Variants in DUSP8 observed in about 807,000 individuals in gnomAD.
DUSP8 encodes dual specificity phosphatase 8.
A neutral mutation model predicts 38.7 loss-of-function variants in DUSP8; 15 were observed. The ratio of observed to expected loss-of-function variants is 0.39; its 90% CI spans 0.26 to 0.60. DUSP8 has a LOEUF of 0.60. DUSP8 is among the 20% of genes least tolerant of loss of function. The probability of loss-of-function intolerance (pLI) is 0.56; values close to 1 mark genes in which losing one functional copy is unlikely to be tolerated. For missense variants in DUSP8, 768 were observed against 915.0 expected, an observed-to-expected ratio of 0.84 and a Z score of 2.07; for synonymous variants, 458 against 433.9, an observed-to-expected ratio of 1.06 and a Z score of -0.69.
upstream of DUSP8, chr11:1,572,691 C>CG (rs1848928103): frequency 2.6e-5 from 4 of 152,196 alleles, no homozygotes; most frequent in South Asian, 6.2e-4. The surrounding 1 kb of genome is among the most constrained non-coding windows in gnomAD (Gnocchi z 4.7). Context: ...GCCGCTCCCC[C>CG]CTTCTCCTGG....
Position 1,557,661 on chromosome 11 carries a change from G to A in DUSP8, c.822-87C>T. On this transcript the variant is annotated intron_variant, in intron 6 of 6. Transcript: ENST00000397374. This position sits in a 1 kb window ranked among gnomAD's most constrained non-coding sequence, Gnocchi z 9.9. ...CCGCTGGGCACCCACGAGCTCATGT[G>A]CGCCAGGCTGGTCTCAGGCCCTCCT... 1 of 1,545,148 alleles carries A rather than the reference G, an allele frequency of 6.5e-7. No individual in the cohort carries two copies. The highest frequency in any genetic ancestry group is 8.7e-7 in the Non-Finnish European group (1 of 1,145,882).
In DUSP8 at chr11:1,555,814, C is replaced by G. The variant is rs1330245030; in HGVS notation, c.*704G>C. 1 of 152,422 alleles carries G rather than the reference C, an allele frequency of 6.6e-6. No homozygotes were observed. Among genetic ancestry groups the G allele is most frequent in the Non-Finnish European group, 1.5e-5 (1 of 68,178 alleles). The allele number at this position is 152,422 out of a possible 1,614,324, so 9.4% of individuals were successfully genotyped here. On this transcript the variant is annotated 3_prime_UTR_variant, in exon 7 of 7. Transcript: ENST00000397374. Reference sequence around the variant, plus strand: ...TGCACCTCATCTGACGTTCCAGAACCCCCTGCCCGAAGCCCCTACACACAC... The same window carrying G: ...TGCACCTCATCTGACGTTCCAGAACGCCCTGCCCGAAGCCCCTACACACAC...
chr11:1,567,177 C>G (rs1848816956), intron 1 of DUSP8, among the ~76,000 whole-genome samples: 1 of 152,184 alleles, frequency 6.6e-6, no homozygotes, highest in African/African-American at 2.4e-5. Context: ...TTTACTCCAC[C>G]CAGCTCAGGA....
intron 1 of DUSP8, among the ~76,000 whole-genome samples, chr11:1,566,985 C>A (rs748197422): frequency 6.6e-6 from 1 of 152,180 alleles, no homozygotes. Context: ...GTCCACTTTA[C>A]ACTCACAGCC....
intron 3 of DUSP8, among the ~76,000 whole-genome samples, chr11:1,563,231 C>A (rs542985689): frequency 6.6e-6 from 1 of 152,152 alleles, no homozygotes; most frequent in Admixed American, 6.5e-5. Flanking sequence ...GGACCTGGGC[C>A]GACCCCAGGA....
chr11:1,563,110 TG>T (rs796112864), intron 3 of DUSP8, among the ~76,000 whole-genome samples: 1 of 152,044 alleles, frequency 6.6e-6, no homozygotes, highest in South Asian at 2.1e-4. Flanking sequence ...TCTGCTTGCC[TG>T]GAACAGCCCC....
In DUSP8 at chr11:1,557,583, G is replaced by A. The variant is rs779617998; in HGVS notation, c.822-9C>T. On this transcript the variant is annotated splice_polypyrimidine_tract_variant and intron_variant, in intron 6 of 6. Transcript: ENST00000397374. This position sits in a 1 kb window ranked among gnomAD's most constrained non-coding sequence, Gnocchi z 9.9. ...GCCTGTCCTTCACGAACCTGCGGGG[G>A]AGGAGGCTCAGTCCCAGGCGCCCGC... 6.4e-7 allele frequency: 1 copy of A among 1,561,762 alleles called. No homozygotes were observed. The highest frequency in any genetic ancestry group is 8.6e-7 in the Non-Finnish European group (1 of 1,162,284).
In DUSP8 at chr11:1,555,862, G is replaced by A. The variant is rs896880082; in HGVS notation, c.*656C>T. 3.9e-5 allele frequency: 6 copies of A among 152,340 alleles called. No individual in the cohort carries two copies. Among genetic ancestry groups the A allele is most frequent in the African/African-American group, 7.2e-5 (3 of 41,428 alleles). The allele number at this position is 152,340 out of a possible 1,614,324, so 9.4% of individuals were successfully genotyped here. A position where few individuals can be genotyped will look rare whatever the true frequency, so the allele number is the denominator to read the frequency against. On this transcript the variant is annotated 3_prime_UTR_variant, in exon 7 of 7. Coordinates refer to ENST00000397374, the MANE Select transcript of DUSP8 (RefSeq NM_004420.3). ...CACTGTTCTATTTCTCAGCCCCTCT[G>A]AACACCCTGGCACCATGAAGCCCAA...
At chr11:1,569,669 G>A (rs560378047) in intron 1 of DUSP8, among the ~76,000 whole-genome samples, 90 of 152,168 alleles carry the variant, frequency 5.9e-4, no homozygotes, top group African/African-American at 2.0e-3. Context: ...GGACCAGGGA[G>A]TCCCAGGCCA....
rs1447571667 is a variant in DUSP8 at position 1,556,829 on chromosome 11, G to A, written c.1567C>T (p.Pro523Ser). ...DSPGTPSPDGPWCFSPEGAQG... is the reference protein window; with the variant it reads ...DSPGTPSPDGSWCFSPEGAQG... The stretch of plus-strand genomic sequence containing the variant: ...GCGCCCTCGGGGCTGAAGCACCAGG[G>A]CCCGTCGGGCGACGGCGTGCCTGGG... The change falls in exon 7 of 7, where the codon CCC becomes TCC. Residue 523 changes from proline to serine, a missense_variant. By Grantham distance (74) the Pro-to-Ser change is moderately conservative. Around this residue, in one of 3 missense-constraint regions of DUSP8, gnomAD observed 474 missense variants for 430.8 expected, o/e 1.10. Coordinates refer to ENST00000397374, the MANE Select transcript of DUSP8 (RefSeq NM_004420.3). The surrounding 1 kb of genome is among the most constrained non-coding windows in gnomAD (Gnocchi z 5.2). The A allele has an allele frequency of 9.6e-5, 111 of 1,156,218 alleles. 1 individual carries two copies. The highest frequency in any genetic ancestry group is 3.6e-4 in the Middle Eastern group (1 of 2,816). 71.6% of individuals were successfully genotyped at this position (1,156,218 alleles called of 1,614,324 possible).
intron 3 of DUSP8, among the ~76,000 whole-genome samples, chr11:1,563,069 C>T (rs779016015): frequency 6.6e-6 from 1 of 152,148 alleles, no homozygotes; most frequent in African/African-American, 2.4e-5. Context: ...CCTCACCCCA[C>T]CGTGCCTGCA....
In DUSP8 at chr11:1,557,776, G is replaced by C; in HGVS notation, c.821+18C>G. On this transcript the variant is annotated intron_variant, in intron 6 of 6. Coordinates refer to ENST00000397374, the MANE Select transcript of DUSP8 (RefSeq NM_004420.3). This position sits in a 1 kb window ranked among gnomAD's most constrained non-coding sequence, Gnocchi z 9.9. ...GCGACGCTGTGAGCCACAAGTGCGC[G>C]ACTGGGGAAGGTGGTACCTGTAGGC... The C allele has an allele frequency of 6.2e-7, 1 of 1,612,276 alleles. No individual in the cohort carries two copies. Among genetic ancestry groups the C allele is most frequent in the Non-Finnish European group, 8.5e-7 (1 of 1,179,888 alleles).
At position 1,555,342 on chromosome 11, in the gene DUSP8, T is replaced by G; in HGVS notation, c.*1176A>C. The G allele has an allele frequency of 1.0e-6, 1 of 987,790 alleles. No homozygotes were observed. The highest frequency in any genetic ancestry group is 1.7e-5 in the African/African-American group (1 of 57,418). 61.2% of individuals were successfully genotyped at this position (987,790 alleles called of 1,614,324 possible). On this transcript the variant is annotated 3_prime_UTR_variant, in exon 7 of 7. Coordinates refer to ENST00000397374, the MANE Select transcript of DUSP8 (RefSeq NM_004420.3). ...GGGGGCTTTACCTGTCTTGAGGCAG[T>G]GCTCCCTAAGTGAAGCAGGCCTATC...
At position 1,556,742 on chromosome 11, in the gene DUSP8, C is replaced by T; in HGVS notation, c.1654G>A (p.Gly552Ser). ...FGRAGAPGPG[G>S]GSDLRRREAA... is the part of the protein sequence containing the mutation. ...TCCCGCCGCCGCAGGTCGCTGCCGC[C>T]GCCTGGTCCCGGGGCGCCCGCCCGG... Residue 552 changes from glycine to serine, a missense_variant, in exon 7 of 7, where the codon GGC becomes AGC. Around this residue, in one of 3 missense-constraint regions of DUSP8, gnomAD observed 474 missense variants for 430.8 expected, o/e 1.10. Transcript: ENST00000397374. This position sits in a 1 kb window ranked among gnomAD's most constrained non-coding sequence, Gnocchi z 5.2. The T allele has an allele frequency of 2.5e-6, 3 of 1,220,378 alleles. No individual in the cohort carries two copies. Among genetic ancestry groups the T allele is most frequent in the Middle Eastern group, 3.2e-4 (1 of 3,116 alleles). The allele number at this position is 1,220,378 out of a possible 1,614,324, so 75.6% of individuals were successfully genotyped here.
intron 3 of DUSP8, among the ~76,000 whole-genome samples, chr11:1,560,119 A>G (rs1848694694): frequency 6.6e-6 from 1 of 152,076 alleles, no homozygotes; most frequent in African/African-American, 2.4e-5. Context: ...AGCATGGCCC[A>G]GCACCACCCC....
chr11:1,562,623 GCA>G (rs1157598303), intron 3 of DUSP8, among the ~76,000 whole-genome samples: 7 of 151,988 alleles, frequency 4.6e-5, no homozygotes, highest in Admixed American at 2.0e-4. Context: ...GCACATATGC[GCA>G]CACACAGGCA....
chr11:1,558,131 G>T lies in DUSP8; in HGVS notation c.678C>A (p.Asp226Glu), dbSNP rs1275443793. 1.9e-6 allele frequency: 3 copies of T among 1,611,822 alleles called. No homozygotes were observed. In the African/African-American group the frequency reaches 4.0e-5, roughly 22 times the overall value. ...NYCEKLLPWL[D>E]KSIEFIDKAK... ...ACTCACCGATGAACTCGATGGACTT[G>T]TCCAGCCAGGGCAGCAGTTTTTCAC... Residue 226 changes from aspartate (D) to glutamate (E), a missense_variant, in exon 5 of 7, where the codon GAC becomes GAA. Around this residue, in one of 3 missense-constraint regions of DUSP8, gnomAD observed 252 missense variants for 410.4 expected, o/e 0.61. Coordinates refer to ENST00000397374, the MANE Select transcript of DUSP8 (RefSeq NM_004420.3). The surrounding 1 kb of genome is among the most constrained non-coding windows in gnomAD (Gnocchi z 6.3).
chr11:1,564,939 T>C (rs906806307), intron 2 of DUSP8, among the ~76,000 whole-genome samples: 1 of 152,152 alleles, frequency 6.6e-6, no homozygotes, highest in African/African-American at 2.4e-5. Flanking sequence ...TGCGAGGCAG[T>C]AGAAGGAGGA....
Position 1,554,605 on chromosome 11 carries a change from C to A in DUSP8, c.*1913G>T. Reference sequence around the variant, plus strand: ...GAGACAGACTGAGACAGACAGCCCCCCTCAACGGCCTGCAGAAGGGACAAG... The same window carrying A: ...GAGACAGACTGAGACAGACAGCCCCACTCAACGGCCTGCAGAAGGGACAAG... On this transcript the variant is annotated 3_prime_UTR_variant, in exon 7 of 7. Transcript: ENST00000397374. 3.0e-6 allele frequency: 3 copies of A among 985,524 alleles called. No individual in the cohort carries two copies. The highest frequency in any genetic ancestry group is 2.8e-4 in the Middle Eastern group (1 of 3,546). The allele number at this position is 985,524 out of a possible 1,614,324, so 61.0% of individuals were successfully genotyped here. A position where few individuals can be genotyped will look rare whatever the true frequency, so the allele number is the denominator to read the frequency against.
Sources: gnomAD v4.1 joint callset for allele counts (sites outside exome capture counted in the v4.1 genomes callset) on GRCh38, gnomAD v4.1.1 for gene constraint, gnomAD v4.1.1 regional missense constraint, Gnocchi (gnomAD v3.1) non-coding constraint, MANE v1.5 for transcripts, NCBI Gene and HGNC (gene_info 2026-07-23, HGNC 2026-07-21) for gene names.